Variants in PRR16 observed in about 807,000 individuals in gnomAD.
PRR16 encodes the protein proline rich 16.
A neutral mutation model predicts 18.2 loss-of-function variants in PRR16; 6 were observed. The observed-to-expected ratio is 0.33, with a 90% CI of 0.18 to 0.65. The LOEUF (loss-of-function observed/expected upper bound fraction) is 0.65, where lower values mean the gene tolerates loss of function less well. PRR16 is among the 30% of genes least tolerant of loss of function. The probability of loss-of-function intolerance (pLI) is 0.74; values close to 1 mark genes in which losing one functional copy is unlikely to be tolerated. For missense variants in PRR16, 412 were observed against 376.6 expected, an observed-to-expected ratio of 1.09 and a Z score of -0.78; for synonymous variants, 151 against 147.8, an observed-to-expected ratio of 1.02 and a Z score of -0.16.
the PRR16 span, among the ~76,000 whole-genome samples, chr5:120,708,810 A>T: frequency 6.6e-6 from 1 of 152,054 alleles, no homozygotes; most frequent in East Asian, 1.9e-4. Context: ...GAGCATTATC[A>T]AACGCATTTA....
chr5:120,510,699 G>A (rs1343599508), intron 1 of PRR16, among the ~76,000 whole-genome samples: 1 of 152,076 alleles, frequency 6.6e-6, no homozygotes, highest in East Asian at 1.9e-4. Context: ...ATTTACCATG[G>A]TCTCCAGATT....
intron 1 of PRR16, among the ~76,000 whole-genome samples, chr5:120,634,411 A>G (rs1755159488): frequency 6.6e-6 from 1 of 152,192 alleles, no homozygotes; most frequent in South Asian, 2.1e-4. Flanking sequence ...TGGGAGGCCA[A>G]GGCAGGGGGA....
intron 1 of PRR16, among the ~76,000 whole-genome samples, chr5:120,560,243 T>C (rs964344460): frequency 5.3e-5 from 8 of 152,122 alleles, no homozygotes; most frequent in African/African-American, 1.7e-4. Flanking sequence ...TTCAGTTTTT[T>C]CTTTGTTCTG....
chr5:120,563,531 C>T (rs1169407824), intron 1 of PRR16, among the ~76,000 whole-genome samples: 1 of 152,182 alleles, frequency 6.6e-6, no homozygotes, highest in Non-Finnish European at 1.5e-5. Context: ...ACCAACAGCC[C>T]ATGAAGGGTT....
At chr5:120,745,865 A>ATTT in the PRR16 span, among the ~76,000 whole-genome samples, 91 of 127,478 alleles carry the variant, frequency 7.1e-4, no homozygotes, top group African/African-American at 2.6e-3. Context: ...CGCCCGGGTA[A>ATTT]TTTTTTTTTT....
chr5:120,746,388 C>G, the PRR16 span, among the ~76,000 whole-genome samples: 1 of 150,086 alleles, frequency 6.7e-6, no homozygotes, highest in Admixed American at 6.7e-5. Flanking sequence ...ACCCTTAAGT[C>G]TTTAAAAAAG....
chr5:120,702,694 C>T, the PRR16 span, among the ~76,000 whole-genome samples: 2 of 152,086 alleles, frequency 1.3e-5, no homozygotes, highest in Non-Finnish European at 2.9e-5. Context: ...TTCTTTGTCT[C>T]TCCCAGAAAA....
intron 1 of PRR16, among the ~76,000 whole-genome samples, chr5:120,564,077 G>A (rs986252978): frequency 3.3e-5 from 5 of 151,620 alleles, no homozygotes; most frequent in Non-Finnish European, 5.9e-5. Flanking sequence ...GGAGCCCTAC[G>A]ACTCTGTTTA....
intron 1 of PRR16, among the ~76,000 whole-genome samples, chr5:120,520,770 G>C (rs766353313): frequency 6.6e-6 from 1 of 152,136 alleles, no homozygotes; most frequent in Non-Finnish European, 1.5e-5. Context: ...TAAAATGGTA[G>C]TATTTTGTTT....
At chr5:120,638,140 A>G (rs1755301583) in intron 1 of PRR16, among the ~76,000 whole-genome samples, 1 of 152,124 alleles carries the variant, frequency 6.6e-6, no homozygotes, top group African/African-American at 2.4e-5. Context: ...TGTTCATGAA[A>G]CAAAGCTTGG....
At chr5:120,764,122 A>ATATTTG in the PRR16 span, among the ~76,000 whole-genome samples, 1 of 151,916 alleles carries the variant, frequency 6.6e-6, no homozygotes, top group Non-Finnish European at 1.5e-5. Flanking sequence ...GAAAGAAGAC[A>ATATTTG]TATTTGTCTT....
chr5:120,547,797 G>A (rs1251240972), intron 1 of PRR16, among the ~76,000 whole-genome samples: 1 of 151,398 alleles, frequency 6.6e-6, no homozygotes, highest in African/African-American at 2.4e-5. Context: ...GAGTCTATAT[G>A]GATATAATAT....
At position 120,676,506 on chromosome 5, in the gene PRR16, T is replaced by TTA. The variant is rs751643945; in HGVS notation, c.160-9432_160-9431dup. Among the ~76,000 whole-genome samples, 540 of 138,568 alleles carry TTA rather than the reference T, an allele frequency of 3.9e-3. 5 individuals are homozygous for TTA. The highest frequency in any genetic ancestry group is 0.014 in the African/African-American group (510 of 36,144). The allele number at this position is 138,568 out of a possible 152,430, so 90.9% of individuals were successfully genotyped here. On this transcript the variant is annotated intron_variant, in intron 1 of 1. Transcript: ENST00000407149. ...TAACTTACTCTGGATTATGTTTATTTTATATATATATATATATGTGTGTGT... is the reference window on the plus strand; with the variant it reads ...TAACTTACTCTGGATTATGTTTATTTTATATATATATATATATATGTGTGTGT...
intron 1 of PRR16, among the ~76,000 whole-genome samples, chr5:120,663,070 A>G (rs923765911): frequency 1.1e-4 from 17 of 152,028 alleles, no homozygotes; most frequent in African/African-American, 3.6e-4. Flanking sequence ...ACCATTGTCA[A>G]CCCTGCAGTC....
intron 1 of PRR16, among the ~76,000 whole-genome samples, chr5:120,488,843 G>A (rs1470040697): frequency 7.9e-5 from 12 of 151,814 alleles, no homozygotes; most frequent in African/African-American, 2.4e-4. Flanking sequence ...AGATTCTGGT[G>A]TGTTGTGTCT....
At chr5:120,788,825 G>GAGAT in the PRR16 span, among the ~76,000 whole-genome samples, 1 of 152,030 alleles carries the variant, frequency 6.6e-6, no homozygotes, top group African/African-American at 2.4e-5. Flanking sequence ...TTTAATCTTG[G>GAGAT]AGATAGCAGA....
At chr5:120,715,531 A>G in the PRR16 span, among the ~76,000 whole-genome samples, 1 of 152,188 alleles carries the variant, frequency 6.6e-6, no homozygotes, top group African/African-American at 2.4e-5. Context: ...TATGATCTCT[A>G]TTGAGGACTA....
chr5:120,741,477 A>G, the PRR16 span, among the ~76,000 whole-genome samples: 16 of 152,144 alleles, frequency 1.1e-4, no homozygotes, highest in African/African-American at 3.1e-4. Flanking sequence ...AGTTATTACA[A>G]AGTTTTGGCA....
In PRR16 at chr5:120,685,834, T is replaced by A. The variant is rs927586411; in HGVS notation, c.160-120T>A. 18 of 965,924 alleles carry A rather than the reference T, an allele frequency of 1.9e-5. No homozygotes were observed. The African/African-American group carries it at 2.8e-4, about 15-fold the overall frequency. 59.8% of individuals were successfully genotyped at this position (965,924 alleles called of 1,614,324 possible). On this transcript the variant is annotated intron_variant, in intron 1 of 1. Coordinates refer to ENST00000407149, the MANE Select transcript of PRR16 (RefSeq NM_001300783.2). ...CTGAAAACATCAAGCAGCAATGGAA[T>A]GTTCAGTTCAATATCAGTTAAGGCT...
Sources: gnomAD v4.1 joint callset for allele counts (sites outside exome capture counted in the v4.1 genomes callset) on GRCh38, gnomAD v4.1.1 for gene constraint, MANE v1.5 for transcripts, NCBI Gene and HGNC (gene_info 2026-07-23, HGNC 2026-07-21) for gene names.